The following DRC8 variants were observed in gnomAD, a reference collection of about 807,000 sequenced individuals.
DRC8 encodes the protein dynein regulatory complex subunit 8.
At chr1:245,099,095 G>A in the DRC8 span, among the ~76,000 whole-genome samples, 6 of 152,156 alleles carry the variant, frequency 3.9e-5, no homozygotes, top group Non-Finnish European at 8.8e-5. Context: ...ATAAGAGGAG[G>A]CCTGGGGGTT....
the DRC8 span, among the ~76,000 whole-genome samples, chr1:245,092,584 GT>G: frequency 1.3e-5 from 2 of 152,218 alleles, no homozygotes; most frequent in Admixed American, 1.3e-4. Context: ...TGGAAGGAGG[GT>G]GTTAGAAATG....
At chr1:245,022,422 C>T in the DRC8 span, among the ~76,000 whole-genome samples, 1 of 152,040 alleles carries the variant, frequency 6.6e-6, no homozygotes, top group Admixed American at 6.6e-5. Context: ...CCTCAGCCTC[C>T]CAAAGTACTG....
At chr1:245,019,668 C>T in the DRC8 span, among the ~76,000 whole-genome samples, 8 of 152,014 alleles carry the variant, frequency 5.3e-5, no homozygotes, top group Non-Finnish European at 8.8e-5. Flanking sequence ...CCACTGCACT[C>T]GGCCACTCTT....
chr1:245,023,600 C>G, the DRC8 span, among the ~76,000 whole-genome samples: 6 of 152,140 alleles, frequency 3.9e-5, no homozygotes, highest in Non-Finnish European at 8.8e-5. Flanking sequence ...TAATAACCAT[C>G]CTACTGGGTG....
At chr1:245,011,440 A>G in the DRC8 span, among the ~76,000 whole-genome samples, 2 of 152,246 alleles carry the variant, frequency 1.3e-5, no homozygotes, top group Admixed American at 1.3e-4. Context: ...CATCACCAGA[A>G]TACCTGTGTC....
At chr1:245,004,423 C>CT in the DRC8 span, among the ~76,000 whole-genome samples, 1,614 of 146,564 alleles carry the variant, frequency 0.011, 34 homozygotes, top group African/African-American at 0.037. Flanking sequence ...TAGAATGATA[C>CT]TTTTTTTTTT....
the DRC8 span, among the ~76,000 whole-genome samples, chr1:245,029,004 G>A: frequency 2.0e-5 from 3 of 152,144 alleles, no homozygotes; most frequent in East Asian, 1.9e-4. Context: ...TGTAGCGTTC[G>A]GGGATCTGGA....
At chr1:245,040,557 T>C in the DRC8 span, among the ~76,000 whole-genome samples, 393 of 152,334 alleles carry the variant, frequency 2.6e-3, 1 homozygote, top group Non-Finnish European at 4.2e-3. Flanking sequence ...ATAGGGAATA[T>C]AATATAGATT....
chr1:245,050,360 A>C, the DRC8 span, among the ~76,000 whole-genome samples: 1 of 151,794 alleles, frequency 6.6e-6, no homozygotes, highest in Admixed American at 6.6e-5. Context: ...TTGGCTTCCC[A>C]AACTCCTGGG....
the DRC8 span, among the ~76,000 whole-genome samples, chr1:245,011,180 G>A: frequency 2.0e-5 from 3 of 152,040 alleles, no homozygotes; most frequent in African/African-American, 7.2e-5. Context: ...TAAATAATTT[G>A]TAGATGAAAC....
the DRC8 span, chr1:244,970,276 C>T: frequency 1.4e-6 from 1 of 730,004 alleles, no homozygotes. Context: ...CTCCCCGCCC[C>T]GCCCCGCCCA....
the DRC8 span, among the ~76,000 whole-genome samples, chr1:245,078,562 T>A: frequency 6.6e-6 from 1 of 151,984 alleles, no homozygotes; most frequent in South Asian, 2.1e-4. Context: ...TTATGCTAAG[T>A]GAAATAAGCC....
the DRC8 span, chr1:245,059,377 T>C: frequency 1.2e-6 from 2 of 1,603,962 alleles, no homozygotes; most frequent in Non-Finnish European, 8.5e-7. Flanking sequence ...AAAACTTTTT[T>C]TTTTCCAGAG....
the DRC8 span, chr1:244,969,984 A>C: frequency 1.9e-6 from 1 of 528,898 alleles, no homozygotes; most frequent in African/African-American, 2.0e-5. Flanking sequence ...CAAAATCTGC[A>C]GTTAACAACA....
chr1:245,020,718 C>T, the DRC8 span, among the ~76,000 whole-genome samples: 1 of 143,306 alleles, frequency 7.0e-6, no homozygotes, highest in Non-Finnish European at 1.5e-5. Flanking sequence ...CTTCCGGGTT[C>T]AAGCAATTCT....
At chr1:245,060,345 A>G in the DRC8 span, among the ~76,000 whole-genome samples, 2 of 152,236 alleles carry the variant, frequency 1.3e-5, no homozygotes, top group African/African-American at 4.8e-5. Flanking sequence ...ACAAGAATGC[A>G]TGTTTTGAAT....
At chr1:245,104,888 A>G in the DRC8 span, among the ~76,000 whole-genome samples, 2 of 152,214 alleles carry the variant, frequency 1.3e-5, no homozygotes, top group Non-Finnish European at 2.9e-5. Context: ...TCAGGATCCA[A>G]ACAAGGTCCT....
chr1:244,979,047 A>G, the DRC8 span, among the ~76,000 whole-genome samples: 1 of 152,058 alleles, frequency 6.6e-6, no homozygotes, highest in Admixed American at 6.6e-5. Context: ...CCTGATTCAC[A>G]CACACCCTCT....
the DRC8 span, among the ~76,000 whole-genome samples, chr1:245,068,621 T>G: frequency 6.6e-6 from 1 of 151,840 alleles, no homozygotes; most frequent in Non-Finnish European, 1.5e-5. Flanking sequence ...TTTTTTTTTT[T>G]TTTAGAGACG....
Sources: gnomAD v4.1 joint callset for allele counts (sites outside exome capture counted in the v4.1 genomes callset) on GRCh38, gnomAD v4.1.1 for gene constraint, MANE v1.5 for transcripts, NCBI Gene and HGNC (gene_info 2026-07-23, HGNC 2026-07-21) for gene names.